PHLPP1: variants seen among roughly 807,000 people sequenced by gnomAD.
PHLPP1 encodes PH domain leucine-rich repeat-containing protein phosphatase 1.
Under a neutral mutation model 117.2 loss-of-function variants are expected in PHLPP1, and 42 were observed. The ratio of observed to expected loss-of-function variants is 0.36; its 90% confidence interval spans 0.28 to 0.46. The LOEUF (loss-of-function observed/expected upper bound fraction) is 0.46. Among genes scored for constraint, PHLPP1 ranks in the 20% least tolerant of loss-of-function variants. The probability of loss-of-function intolerance (pLI) is 1.00; values close to 1 mark genes in which losing one functional copy is unlikely to be tolerated. For missense variants in PHLPP1, 2,084 were observed against 2,241.9 expected (o/e 0.93, Z 1.42); for synonymous variants, 1,042 against 970.7 (o/e 1.07, Z -1.37).
intron 1 of PHLPP1, among the ~76,000 whole-genome samples, chr18:62,724,446 G>T (rs975684529): frequency 2.0e-5 from 3 of 152,156 alleles, no homozygotes; most frequent in Non-Finnish European, 4.4e-5. Context: ...TAGAATTTAG[G>T]ATGTTGTAGA....
intron 4 of PHLPP1, among the ~76,000 whole-genome samples, chr18:62,871,662 T>C (rs1599094458): frequency 6.8e-6 from 1 of 147,808 alleles, no homozygotes; most frequent in East Asian, 2.0e-4. Context: ...TTTTTTTTTT[T>C]TTTTTACAGT....
In PHLPP1 at chr18:62,772,830, C is replaced by CAAAAAAAAAAA. The variant is rs59776161; in HGVS notation, c.1576+55580_1576+55590dup. On this transcript the variant is annotated intron_variant, in intron 1 of 16. Coordinates refer to ENST00000262719, the MANE Select transcript of PHLPP1 (RefSeq NM_194449.4). ...TGGGCTACTAAGCAAGACTCTTTCT[C>CAAAAAAAAAAA]AAAAAAAAAAAAAAAAAAAGATTTT... is the stretch of plus-strand genomic sequence containing the variant. 7.4e-4 allele frequency among the ~76,000 whole-genome samples: 45 copies of CAAAAAAAAAAA among 61,034 alleles called. 4 individuals carry two copies. The highest frequency in any genetic ancestry group is 3.0e-3 in the African/African-American group (42 of 13,784). The allele number at this position is 61,034 out of a possible 152,430, so 40.0% of individuals were successfully genotyped here. A position where few individuals can be genotyped will look rare whatever the true frequency, so the allele number is the denominator to read the frequency against.
intron 1 of PHLPP1, among the ~76,000 whole-genome samples, chr18:62,780,348 T>G (rs1913083243): frequency 6.6e-6 from 1 of 152,216 alleles, no homozygotes; most frequent in Non-Finnish European, 1.5e-5. Flanking sequence ...AAGTGGATAA[T>G]AAAGTTTTGT....
At chr18:62,891,288 A>C (rs535936373) in intron 4 of PHLPP1, among the ~76,000 whole-genome samples, 1 of 152,310 alleles carries the variant, frequency 6.6e-6, no homozygotes, top group Admixed American at 6.5e-5. Flanking sequence ...TGAATTATAA[A>C]TTTAACTAAG....
chr18:62,810,362 A>G (rs980164908), intron 1 of PHLPP1, among the ~76,000 whole-genome samples: 3 of 151,484 alleles, frequency 2.0e-5, no homozygotes, highest in African/African-American at 7.3e-5. Context: ...TGATTAAGTA[A>G]TTTTTTTTTG....
intron 1 of PHLPP1, among the ~76,000 whole-genome samples, chr18:62,792,012 A>G (rs772582385): frequency 4.0e-5 from 6 of 151,618 alleles, no homozygotes; most frequent in Non-Finnish European, 8.8e-5. Flanking sequence ...GAAAACAACT[A>G]TTTTTCTAGT....
chr18:62,770,191 A>C (rs1912711283), intron 1 of PHLPP1, among the ~76,000 whole-genome samples: 1 of 151,826 alleles, frequency 6.6e-6, no homozygotes, highest in Non-Finnish European at 1.5e-5. Context: ...GCTCATTGCA[A>C]CCTCCGCCTC....
At chr18:62,727,651 TTA>T (rs1489230756) in intron 1 of PHLPP1, among the ~76,000 whole-genome samples, 7 of 151,340 alleles carry the variant, frequency 4.6e-5, no homozygotes, top group Admixed American at 1.3e-4. Context: ...TCTCCAGAGT[TTA>T]TGCCATTTTT....
chr18:62,933,537 A>T (rs897547665), intron 10 of PHLPP1, among the ~76,000 whole-genome samples: 1 of 152,154 alleles, frequency 6.6e-6, no homozygotes, highest in Non-Finnish European at 1.5e-5. Flanking sequence ...TTCAGTAAAT[A>T]GTGCTGGGAA....
At chr18:62,975,760 C>T (rs111415582) in intron 16 of PHLPP1, 135 bp downstream of exon 16, 5 of 635,564 alleles carry the variant, frequency 7.9e-6, no homozygotes, top group African/African-American at 3.6e-5. Context: ...ATTCCAAATC[C>T]ATAGTATCAC....
chr18:62,851,266 A>G (rs553508525), intron 3 of PHLPP1, among the ~76,000 whole-genome samples: 1 of 152,172 alleles, frequency 6.6e-6, no homozygotes, highest in African/African-American at 2.4e-5. Flanking sequence ...AAATATTGTT[A>G]TAGCTTGGTC....
At chr18:62,741,371 CCT>C (rs759269667) in intron 1 of PHLPP1, among the ~76,000 whole-genome samples, 1 of 151,840 alleles carries the variant, frequency 6.6e-6, no homozygotes, top group East Asian at 1.9e-4. Context: ...TCTTTTTTTC[CCT>C]GAGTCTACTT....
intron 1 of PHLPP1, among the ~76,000 whole-genome samples, chr18:62,738,996 G>A (rs190796078): frequency 9.2e-5 from 14 of 152,314 alleles, no homozygotes; most frequent in Non-Finnish European, 1.9e-4. Flanking sequence ...CAGAATATGC[G>A]AGCAGGAATT....
chr18:62,727,545 G>A (rs992797051), intron 1 of PHLPP1, among the ~76,000 whole-genome samples: 4 of 150,240 alleles, frequency 2.7e-5, no homozygotes, highest in African/African-American at 7.4e-5. Flanking sequence ...GAGTCCAGGA[G>A]TTCGAGGCTG....
At chr18:62,886,720 A>G (rs1916297045) in intron 4 of PHLPP1, among the ~76,000 whole-genome samples, 1 of 152,252 alleles carries the variant, frequency 6.6e-6, no homozygotes, top group African/African-American at 2.4e-5. Context: ...ACTTGGTATC[A>G]GTAACTAAAA....
intron 1 of PHLPP1, among the ~76,000 whole-genome samples, chr18:62,784,345 C>T (rs1200286447): frequency 1.3e-5 from 2 of 152,192 alleles, no homozygotes; most frequent in Non-Finnish European, 2.9e-5. Context: ...TGTAAAGTTT[C>T]TACTATAATA....
chr18:62,774,851 C>CT (rs371915809), intron 1 of PHLPP1, among the ~76,000 whole-genome samples: 1,686 of 150,800 alleles, frequency 0.011, 41 homozygotes, highest in African/African-American at 0.039. Context: ...AAAAATACCT[C>CT]TAAAAAAAAA....
chr18:62,864,181 C>T (rs1397225749), intron 4 of PHLPP1, among the ~76,000 whole-genome samples: 2 of 151,974 alleles, frequency 1.3e-5, no homozygotes, highest in Non-Finnish European at 2.9e-5. Flanking sequence ...GCCACCACTC[C>T]CAGCTAATTT....
At position 62,978,293 on chromosome 18, in the gene PHLPP1, C is replaced by T. The variant is rs773095187; in HGVS notation, c.4016C>T (p.Thr1339Met). ...AAGGTGAACGGAGTGACTGAGTCCA[C>T]GCGCATCCTGGGCTACACCTTCCTC... Reference protein sequence around the residue: ...DGKVNGVTESTRILGYTFLHP... With the variant: ...DGKVNGVTESMRILGYTFLHP... Residue 1339 changes from threonine to methionine, a missense_variant, in exon 17 of 17, where the codon ACG (threonine) becomes ATG (methionine). This residue lies in a region of PHLPP1 where 1,365 missense variants were observed against 1,605.9 expected (regional missense o/e 0.85). Transcript: ENST00000262719. The surrounding 1 kb of genome is among the most constrained non-coding windows in gnomAD (Gnocchi z 7.0). 19 of 1,610,428 alleles carry T rather than the reference C, an allele frequency of 1.2e-5. No individual in the cohort carries two copies. Among genetic ancestry groups the T allele is most frequent in the Non-Finnish European group, 1.5e-5 (18 of 1,177,546 alleles).
Sources: allele counts gnomAD v4.1 joint callset (sites outside exome capture counted in the v4.1 genomes callset), GRCh38; gene constraint gnomAD v4.1.1; regional missense constraint gnomAD v4.1.1; non-coding constraint Gnocchi (gnomAD v3.1); transcripts MANE v1.5; gene names NCBI Gene and HGNC (gene_info 2026-07-23, HGNC 2026-07-21).